SIMC1: variants seen among roughly 807,000 people sequenced by gnomAD.
The protein encoded by SIMC1 is SUMO-interacting motif-containing protein 1.
SIMC1 carries 55 observed loss-of-function variants against 82.3 expected under a neutral mutation model. That is an observed-to-expected ratio of 0.67 (90% CI 0.54 to 0.84). SIMC1 has a LOEUF of 0.84. Among genes scored for constraint, SIMC1 ranks in the 40% least tolerant of loss-of-function variants. The pLI is 0.00. For synonymous variants in SIMC1, 353 were observed against 426.3 expected, an observed-to-expected ratio of 0.83 and a Z score of 2.12; for missense variants, 915 against 1,107.2, an observed-to-expected ratio of 0.83 and a Z score of 2.46.
chr5:176,303,468 T>C (rs1272829217), intron 4 of SIMC1, among the ~76,000 whole-genome samples: 2 of 151,978 alleles, frequency 1.3e-5, no homozygotes, highest in Non-Finnish European at 2.9e-5. Context: ...ATTACAGGCA[T>C]GCGCCACCAT....
intron 2 of SIMC1, among the ~76,000 whole-genome samples, chr5:176,291,189 A>C (rs1479896834): frequency 2.4e-5 from 3 of 123,962 alleles, no homozygotes; most frequent in Non-Finnish European, 4.8e-5. Flanking sequence ...TTTGAGACCG[A>C]GTCTTGCTCT....
At chr5:176,344,612 A>G (rs886748561) in intron 9 of SIMC1, among the ~76,000 whole-genome samples, 1 of 152,196 alleles carries the variant, frequency 6.6e-6, no homozygotes, top group Non-Finnish European at 1.5e-5. Context: ...AGGAAACACA[A>G]TCGTGGCTCA....
At chr5:176,305,948 T>C (rs1581283861) in intron 4 of SIMC1, among the ~76,000 whole-genome samples, 1 of 64,192 alleles carries the variant, frequency 1.6e-5, no homozygotes, top group Admixed American at 1.4e-4. Flanking sequence ...GAGGAGCCCC[T>C]CTGCCCGGCC....
chr5:176,331,954 G>A (rs996299089), intron 7 of SIMC1, among the ~76,000 whole-genome samples: 1 of 151,522 alleles, frequency 6.6e-6, no homozygotes, highest in Non-Finnish European at 1.5e-5. Context: ...GGGCAACAGA[G>A]CAAGACTGTC....
chr5:176,286,324 A>G (rs1376499703), intron 1 of SIMC1, among the ~76,000 whole-genome samples: 3 of 152,284 alleles, frequency 2.0e-5, no homozygotes. Context: ...GCCCTCAGAA[A>G]TAATACCACA....
intron 1 of SIMC1, among the ~76,000 whole-genome samples, chr5:176,286,737 A>T (rs1031265189): frequency 7.2e-5 from 11 of 152,236 alleles, no homozygotes; most frequent in African/African-American, 2.7e-4. Context: ...TGCCCATCTG[A>T]CAAAGGGCTA....
At position 176,316,550 on chromosome 5, in the gene SIMC1, A is replaced by G. The variant is rs1378746637; in HGVS notation, c.1889+2705A>G. Among the ~76,000 whole-genome samples, 4 of 151,464 alleles carry G rather than the reference A, an allele frequency of 2.6e-5. No individual in the cohort carries two copies. In the East Asian group the frequency reaches 5.8e-4, roughly 22 times the overall value. ...AAAAAACCCAAAAAATTTGCCAGGC[A>G]TAGTGCCAGGCACCTGTAATCCCAG... On this transcript the variant is annotated intron_variant, in intron 5 of 9. Transcript: ENST00000429602.
At chr5:176,279,984 T>G (rs949769416) in intron 1 of SIMC1, among the ~76,000 whole-genome samples, 11 of 152,032 alleles carry the variant, frequency 7.2e-5, no homozygotes, top group South Asian at 2.1e-4. Flanking sequence ...TAGATGTCTA[T>G]TAGGTCCGCT....
chr5:176,299,775 C>G (rs1341338315), intron 4 of SIMC1, among the ~76,000 whole-genome samples: 1 of 151,998 alleles, frequency 6.6e-6, no homozygotes, highest in African/African-American at 2.4e-5. Context: ...CTATAGGCCA[C>G]TTAACCATAG....
At chr5:176,292,915 A>G (rs537053082) in intron 2 of SIMC1, among the ~76,000 whole-genome samples, 62 of 152,308 alleles carry the variant, frequency 4.1e-4, no homozygotes, top group African/African-American at 1.5e-3. Flanking sequence ...GGCATTTTAC[A>G]TATTTTAATA....
intron 1 of SIMC1, among the ~76,000 whole-genome samples, chr5:176,268,415 A>T (rs1305260305): frequency 3.2e-5 from 4 of 126,874 alleles, no homozygotes; most frequent in Non-Finnish European, 4.9e-5. Flanking sequence ...TCTATATGAG[A>T]TGTACTGTCT....
chr5:176,338,406 G>A (rs1393830574), intron 9 of SIMC1, among the ~76,000 whole-genome samples: 2 of 152,110 alleles, frequency 1.3e-5, no homozygotes, highest in Non-Finnish European at 2.9e-5. Context: ...GAGGCTCTAG[G>A]ACACACTAAG....
intron 1 of SIMC1, among the ~76,000 whole-genome samples, chr5:176,271,754 T>G (rs1762435347): frequency 6.6e-6 from 1 of 151,234 alleles, no homozygotes; most frequent in Non-Finnish European, 1.5e-5. Context: ...AAGAAATGAA[T>G]TCTTGAGGTG....
chr5:176,279,388 C>T (rs1251549181), intron 1 of SIMC1, among the ~76,000 whole-genome samples: 3 of 151,988 alleles, frequency 2.0e-5, no homozygotes, highest in Admixed American at 6.6e-5. Context: ...GTCTTGCTAG[C>T]GGTCTATCAA....
At position 176,296,299 on chromosome 5, in the gene SIMC1, C is replaced by T. The variant is rs755431438; in HGVS notation, c.1713C>T (p.Leu571=). 3 of 1,613,278 alleles carry T rather than the reference C, an allele frequency of 1.9e-6. No homozygotes were observed. Among genetic ancestry groups the T allele is most frequent in the African/African-American group, 2.7e-5 (2 of 74,906 alleles). Residue 571 remains leucine, a synonymous_variant, in exon 4 of 10, where the codon CTC becomes CTT. Transcript: ENST00000429602. The stretch of plus-strand genomic sequence containing the variant: ...CAGTGGAGTGGGACTGGAAACTGCT[C>T]ACCTATGTCATGGAGGAAGAGGTAA... ...AKTVEWDWKL[L]TYVMEEEGQT... is the part of the protein sequence containing the mutation.
At chr5:176,260,960 A>T (rs1561675858) in intron 1 of SIMC1, 1 of 152,262 alleles carries the variant, frequency 6.6e-6, no homozygotes, top group African/African-American at 2.4e-5. Context: ...TGAAGATGGC[A>T]GCAGCAGTGG....
At chr5:176,278,803 C>G (rs1273023687) in intron 1 of SIMC1, among the ~76,000 whole-genome samples, 2 of 147,118 alleles carry the variant, frequency 1.4e-5, no homozygotes, top group African/African-American at 5.0e-5. Flanking sequence ...ATGAAGCCCA[C>G]TTGATCATGG....
rs546354407 is a variant in SIMC1, at chr5:176,294,923, C to A, written c.1432-107C>A. 66 of 1,393,196 alleles carry A rather than the reference C, an allele frequency of 4.7e-5. No homozygotes were observed. The South Asian group carries it at 9.5e-4, about 20-fold the overall frequency. 86.3% of individuals were successfully genotyped at this position (1,393,196 alleles called of 1,614,324 possible). On this transcript the variant is annotated intron_variant, in intron 2 of 9. Transcript: ENST00000429602. ...GAGCTTGCAGTGAGCTGAGATCACGCCACTGCACTCCAGCCTGGGGAACAG... is the reference window on the plus strand; with the variant it reads ...GAGCTTGCAGTGAGCTGAGATCACGACACTGCACTCCAGCCTGGGGAACAG...
intron 1 of SIMC1, among the ~76,000 whole-genome samples, chr5:176,288,347 G>A (rs763314743): frequency 2.0e-5 from 3 of 152,108 alleles, no homozygotes; most frequent in South Asian, 2.1e-4. Context: ...GGCAGAGTTT[G>A]CAGTGAGCCA....
Sources: allele counts gnomAD v4.1 joint callset (sites outside exome capture counted in the v4.1 genomes callset), GRCh38; gene constraint gnomAD v4.1.1; transcripts MANE v1.5; gene names NCBI Gene and HGNC (gene_info 2026-07-23, HGNC 2026-07-21).